The following NTNG1 variants were observed in gnomAD, a reference collection of about 807,000 sequenced individuals.
NTNG1 encodes netrin-G1.
Under a neutral mutation model 54.0 loss-of-function variants are expected in NTNG1, and 16 were observed. That is an observed-to-expected ratio of 0.30 (90% CI 0.20 to 0.45). NTNG1 has a LOEUF of 0.45. Ranked by LOEUF, NTNG1 falls within the 20% of genes least tolerant of loss-of-function variation. The pLI, the probability that NTNG1 is intolerant of heterozygous loss-of-function variation, is 1.00. For missense variants in NTNG1, 530 were observed against 678.7 expected, an observed-to-expected ratio of 0.78 and a Z score of 2.43; for synonymous variants, 255 against 263.1, an observed-to-expected ratio of 0.97 and a Z score of 0.30.
intron 2 of NTNG1, among the ~76,000 whole-genome samples, chr1:107,225,375 A>G (rs1343323221): frequency 6.6e-6 from 1 of 152,148 alleles, no homozygotes; most frequent in African/African-American, 2.4e-5. Flanking sequence ...GTGAATTCAA[A>G]AAAAAAAATC....
chr1:107,272,610 A>G (rs1664218557), intron 2 of NTNG1, among the ~76,000 whole-genome samples: 2 of 152,172 alleles, frequency 1.3e-5, no homozygotes, highest in Non-Finnish European at 2.9e-5. Flanking sequence ...ATTCAGGTAT[A>G]GAATACCTGA....
At chr1:107,240,169 T>C (rs578018244) in intron 2 of NTNG1, among the ~76,000 whole-genome samples, 130 of 152,190 alleles carry the variant, frequency 8.5e-4, no homozygotes, top group African/African-American at 2.9e-3. Flanking sequence ...TTTAAAAAAA[T>C]GTTTATATTT....
At chr1:107,189,369 T>C (rs1369196029) in intron 2 of NTNG1, among the ~76,000 whole-genome samples, 1 of 66,322 alleles carries the variant, frequency 1.5e-5, no homozygotes, top group Non-Finnish European at 3.9e-5. Context: ...AAAAAAAAGT[T>C]TGGGTGAATT....
At chr1:107,250,933 A>T (rs1345367716) in intron 2 of NTNG1, among the ~76,000 whole-genome samples, 1 of 152,272 alleles carries the variant, frequency 6.6e-6, no homozygotes, top group Non-Finnish European at 1.5e-5. Flanking sequence ...TTGTTTAAAT[A>T]CAACATCTAT....
intron 2 of NTNG1, among the ~76,000 whole-genome samples, chr1:107,198,857 A>T (rs1658527687): frequency 6.6e-6 from 1 of 151,874 alleles, no homozygotes; most frequent in Non-Finnish European, 1.5e-5. Flanking sequence ...TGGAGTGTTT[A>T]GTCCTGTATT....
chr1:107,395,093 C>A (rs1160141158), intron 3 of NTNG1, 61 bp from the exon 4 acceptor site: 10 of 1,356,218 alleles, frequency 7.4e-6, no homozygotes, highest in Non-Finnish European at 1.0e-5. Context: ...ATCAGGGAAG[C>A]CTCAGTGGTC....
chr1:107,285,386 T>C (rs984861893), intron 2 of NTNG1, among the ~76,000 whole-genome samples: 1 of 152,046 alleles, frequency 6.6e-6, no homozygotes, highest in African/African-American at 2.4e-5. Flanking sequence ...TTTATAAAAG[T>C]GAAAGGAAAT....
intron 2 of NTNG1, among the ~76,000 whole-genome samples, chr1:107,219,470 T>C (rs1404473455): frequency 6.6e-6 from 1 of 152,190 alleles, no homozygotes; most frequent in Non-Finnish European, 1.5e-5. Context: ...AGTGTGATCT[T>C]TTGTGGGTGT....
chr1:107,281,740 G>T (rs1479971414), intron 2 of NTNG1, among the ~76,000 whole-genome samples: 1 of 151,984 alleles, frequency 6.6e-6, no homozygotes, highest in African/African-American at 2.4e-5. Context: ...ATGGGCTACT[G>T]CATATCAATA....
At chr1:107,239,251 A>G (rs1661644490) in intron 2 of NTNG1, among the ~76,000 whole-genome samples, 1 of 152,218 alleles carries the variant, frequency 6.6e-6, no homozygotes, top group Non-Finnish European at 1.5e-5. Context: ...ATGGAGCACT[A>G]GAAATATCTG....
chr1:107,246,408 C>CA (rs61237534), intron 2 of NTNG1, among the ~76,000 whole-genome samples: 13,844 of 138,490 alleles, frequency 0.1, 739 homozygotes, highest in East Asian at 0.2. Flanking sequence ...CTTGTTTAAG[C>CA]AAAAAAAAAA....
Position 107,407,705 on chromosome 1 carries a change from G to A in NTNG1, c.1084G>A (p.Gly362Ser). Residue 362 changes from glycine (G) to serine (S), a missense_variant, in exon 5 of 8, where the codon GGT becomes AGT. Around this residue, in one of 2 missense-constraint regions of NTNG1, gnomAD observed 318 missense variants for 465.1 expected, o/e 0.68. Coordinates refer to ENST00000370068, the MANE Select transcript of NTNG1 (RefSeq NM_001113226.3). ...AGGTATCCCCAGTATTTCCAGTATT[G>A]GTAGTAAGTAAAAACAAAAACAAAA... ...NTCIPSISSIGNCECFGHSNR... is the reference protein window; with the variant it reads ...NTCIPSISSISNCECFGHSNR... 1 of 1,608,664 alleles carries A rather than the reference G, an allele frequency of 6.2e-7. No homozygotes were observed. Among genetic ancestry groups the A allele is most frequent in the Non-Finnish European group, 8.5e-7 (1 of 1,176,770 alleles).
intron 2 of NTNG1, among the ~76,000 whole-genome samples, chr1:107,292,063 T>TA (rs1330592927): frequency 6.6e-6 from 1 of 151,920 alleles, no homozygotes; most frequent in Non-Finnish European, 1.5e-5. Flanking sequence ...TTGATAAACA[T>TA]AAAAAAACTG....
Position 107,277,122 on chromosome 1 carries a change from A to G in NTNG1, c.247-47160A>G, listed in dbSNP as rs535196843. On this transcript the variant is annotated intron_variant, in intron 2 of 7. Coordinates refer to ENST00000370068, the MANE Select transcript of NTNG1 (RefSeq NM_001113226.3). The stretch of plus-strand genomic sequence containing the variant: ...GTTTTAAGAATGTTTCAAACAGCCA[A>G]TCGGGAATCTTCCAAAGATCGCCCA... Among the ~76,000 whole-genome samples, 90 of 152,332 alleles carry G rather than the reference A, an allele frequency of 5.9e-4. 1 individual carries two copies. The highest frequency in any genetic ancestry group is 6.8e-3 in the Middle Eastern group (2 of 294).
intron 2 of NTNG1, among the ~76,000 whole-genome samples, chr1:107,226,129 T>C (rs1021557322): frequency 5.3e-5 from 8 of 152,166 alleles, no homozygotes; most frequent in Admixed American, 2.6e-4. Context: ...CCTGTTGTCT[T>C]TAAAGGCACT....
intron 7 of NTNG1, among the ~76,000 whole-genome samples, chr1:107,472,222 T>C (rs1177226445): frequency 1.3e-5 from 2 of 152,060 alleles, no homozygotes; most frequent in African/African-American, 2.4e-5. Context: ...CCAAAACAGA[T>C]CAAACAGAAA....
At chr1:107,441,513 T>G (rs12735678) in intron 7 of NTNG1, among the ~76,000 whole-genome samples, 1 of 151,982 alleles carries the variant, frequency 6.6e-6, no homozygotes, top group South Asian at 2.1e-4. Flanking sequence ...AAAGTACACA[T>G]AGCAAGGGGG....
chr1:107,290,198 G>C lies in NTNG1; in HGVS notation c.247-34084G>C, dbSNP rs188522547. Among the ~76,000 whole-genome samples, 194 of 152,286 alleles carry C rather than the reference G, an allele frequency of 1.3e-3. 1 individual carries two copies. The highest frequency in any genetic ancestry group is 2.2e-3 in the Admixed American group (33 of 15,270). On this transcript the variant is annotated intron_variant, in intron 2 of 7. Coordinates refer to ENST00000370068, the MANE Select transcript of NTNG1 (RefSeq NM_001113226.3). ...TGACTAAGCTATTTGTGTTATAGGA[G>C]ATACCTATACCACTTAAGGGTATAC...
chr1:107,461,102 A>G (rs919353366), intron 7 of NTNG1, among the ~76,000 whole-genome samples: 1 of 152,208 alleles, frequency 6.6e-6, no homozygotes, highest in African/African-American at 2.4e-5. Flanking sequence ...TGAATTCTAT[A>G]CCAGCCACTG....
Sources: allele counts gnomAD v4.1 joint callset (sites outside exome capture counted in the v4.1 genomes callset), GRCh38; gene constraint gnomAD v4.1.1; regional missense constraint gnomAD v4.1.1; transcripts MANE v1.5; gene names NCBI Gene and HGNC (gene_info 2026-07-23, HGNC 2026-07-21).